MACROD2: variants seen among roughly 807,000 people sequenced by gnomAD.
The protein encoded by MACROD2 is mono-ADP ribosylhydrolase 2.
MACROD2 carries 36 observed loss-of-function variants against 70.4 expected under a neutral mutation model. That is an observed-to-expected ratio of 0.51 (90% CI 0.39 to 0.68). The LOEUF is 0.68. Among genes scored for constraint, MACROD2 ranks in the 30% least tolerant of loss-of-function variants. The pLI is 0.00. For missense variants in MACROD2, 496 were observed against 538.4 expected, an observed-to-expected ratio of 0.92 and a Z score of 0.78; for synonymous variants, 172 against 178.8, an observed-to-expected ratio of 0.96 and a Z score of 0.30.
At chr20:15,028,380 A>T (rs6131630) in intron 5 of MACROD2, among the ~76,000 whole-genome samples, 1 of 152,316 alleles carries the variant, frequency 6.6e-6, no homozygotes, top group East Asian at 1.9e-4. Context: ...CAATGCTGGG[A>T]TTAGACACCC....
intron 4 of MACROD2, among the ~76,000 whole-genome samples, chr20:14,678,114 C>G (rs966849123): frequency 2.6e-5 from 4 of 152,132 alleles, no homozygotes; most frequent in Admixed American, 6.6e-5. Context: ...TTTAGGGACT[C>G]AGACACTTTT....
chr20:14,491,631 G>T (rs2084796412), intron 3 of MACROD2, among the ~76,000 whole-genome samples: 1 of 152,190 alleles, frequency 6.6e-6, no homozygotes, highest in Non-Finnish European at 1.5e-5. Flanking sequence ...TTGGACAAGT[G>T]CCTGGTTAAA....
chr20:15,545,099 G>A (rs1384747105), intron 8 of MACROD2, among the ~76,000 whole-genome samples: 1 of 152,228 alleles, frequency 6.6e-6, no homozygotes, highest in Admixed American at 6.5e-5. Context: ...ACACTGCAGT[G>A]ACTGGGATGG....
intron 6 of MACROD2, among the ~76,000 whole-genome samples, chr20:15,267,623 C>A (rs1466921198): frequency 6.6e-6 from 1 of 152,202 alleles, no homozygotes; most frequent in African/African-American, 2.4e-5. Context: ...GACCACTATC[C>A]TGTCACTCTC....
At chr20:15,746,010 G>C (rs999946690) in intron 8 of MACROD2, among the ~76,000 whole-genome samples, 53 of 151,840 alleles carry the variant, frequency 3.5e-4, no homozygotes, top group Admixed American at 1.8e-3. Flanking sequence ...ACTATTCTTG[G>C]CCTATGTTAT....
chr20:14,582,108 G>GGAACCACTTCTCTGAATAAACTATCT (rs1981066261), intron 4 of MACROD2, among the ~76,000 whole-genome samples: 1 of 151,898 alleles, frequency 6.6e-6, no homozygotes, highest in African/African-American at 2.4e-5. Flanking sequence ...TAGTTTTTTG[G>GGAACCACTTCTCTGAATAAACTATCT]GAACCACTTC....
intron 4 of MACROD2, among the ~76,000 whole-genome samples, chr20:14,594,647 A>T (rs1471574268): frequency 6.6e-6 from 1 of 152,204 alleles, no homozygotes; most frequent in Non-Finnish European, 1.5e-5. Flanking sequence ...TAATCCCAGC[A>T]CTCTGGGAGG....
chr20:15,700,062 T>C (rs2050434976), intron 8 of MACROD2, among the ~76,000 whole-genome samples: 1 of 151,756 alleles, frequency 6.6e-6, no homozygotes, highest in Admixed American at 6.6e-5. Context: ...GAGAGGAGGG[T>C]CTCCCTTTCT....
At chr20:15,449,583 A>G (rs921201335) in intron 7 of MACROD2, among the ~76,000 whole-genome samples, 1 of 152,216 alleles carries the variant, frequency 6.6e-6, no homozygotes, top group Non-Finnish European at 1.5e-5. Flanking sequence ...GCCTATAAAT[A>G]TAACCAAATT....
intron 5 of MACROD2, among the ~76,000 whole-genome samples, chr20:14,797,841 A>G (rs1447706293): frequency 1.3e-5 from 2 of 152,008 alleles, no homozygotes; most frequent in Admixed American, 1.3e-4. Context: ...GTAGCGTAAG[A>G]GTGTTCACTA....
chr20:14,162,346 A>G (rs1165821791), intron 3 of MACROD2, among the ~76,000 whole-genome samples: 2 of 152,096 alleles, frequency 1.3e-5, no homozygotes, highest in Non-Finnish European at 2.9e-5. Flanking sequence ...TTATTCTGTA[A>G]CTGTTGGATG....
chr20:14,172,607 C>T (rs1043523684), intron 3 of MACROD2, among the ~76,000 whole-genome samples: 1 of 152,064 alleles, frequency 6.6e-6, no homozygotes, highest in African/African-American at 2.4e-5. Context: ...ACCCAGCCAG[C>T]ATTCTGTATC....
intron 8 of MACROD2, among the ~76,000 whole-genome samples, chr20:15,620,723 C>T (rs1001855014): frequency 2.0e-5 from 3 of 152,242 alleles, no homozygotes; most frequent in African/African-American, 7.2e-5. Context: ...CAGAGGTTCC[C>T]CTGTCATCAC....
At chr20:15,680,139 T>TA (rs1323700364) in intron 8 of MACROD2, among the ~76,000 whole-genome samples, 2 of 152,168 alleles carry the variant, frequency 1.3e-5, no homozygotes, top group East Asian at 3.9e-4. Context: ...CCTGGTCTCA[T>TA]AAAAAAAGTG....
intron 3 of MACROD2, among the ~76,000 whole-genome samples, chr20:14,121,650 G>A (rs979495063): frequency 1.3e-5 from 2 of 152,134 alleles, no homozygotes; most frequent in African/African-American, 4.8e-5. Context: ...TGGTCTGATT[G>A]AATTACTGAG....
intron 5 of MACROD2, among the ~76,000 whole-genome samples, chr20:14,945,916 A>G (rs930995130): frequency 6.6e-5 from 10 of 152,188 alleles, no homozygotes; most frequent in Non-Finnish European, 1.5e-4. Context: ...TAAGAATTTC[A>G]TATAATGCAG....
chr20:14,213,918 G>A (rs1018419114), intron 3 of MACROD2, among the ~76,000 whole-genome samples: 2 of 152,088 alleles, frequency 1.3e-5, no homozygotes, highest in African/African-American at 4.8e-5. Flanking sequence ...ATAAAAGGAA[G>A]TGCATTTAAT....
At chr20:15,567,863 C>G (rs2048329502) in intron 8 of MACROD2, among the ~76,000 whole-genome samples, 1 of 152,194 alleles carries the variant, frequency 6.6e-6, no homozygotes, top group Non-Finnish European at 1.5e-5. Flanking sequence ...GTTATCACTT[C>G]TTCTTGCCTT....
At chr20:14,668,846 T>C (rs1216093872) in intron 4 of MACROD2, among the ~76,000 whole-genome samples, 1 of 152,126 alleles carries the variant, frequency 6.6e-6, no homozygotes, top group Non-Finnish European at 1.5e-5. Flanking sequence ...AACACTTTTT[T>C]TTAAACAAAA....
Sources: gnomAD v4.1 joint callset for allele counts (sites outside exome capture counted in the v4.1 genomes callset) on GRCh38, gnomAD v4.1.1 for gene constraint, MANE v1.5 for transcripts, NCBI Gene and HGNC (gene_info 2026-07-23, HGNC 2026-07-21) for gene names.